Variants in ENTPD1 observed in about 807,000 individuals in gnomAD.
ENTPD1 encodes ATP diphosphohydrolase.
ENTPD1 carries 33 observed loss-of-function variants against 57.0 expected under a neutral mutation model. The observed-to-expected ratio is 0.58, with a 90% CI of 0.44 to 0.77. The LOEUF (loss-of-function observed/expected upper bound fraction) is 0.77, where lower values mean the gene tolerates loss of function less well. Among genes scored for constraint, ENTPD1 ranks in the 30% least tolerant of loss-of-function variants. The pLI, the probability that ENTPD1 is intolerant of heterozygous loss-of-function variation, is 0.00. For missense variants in ENTPD1, 501 were observed against 603.4 expected (o/e 0.83, Z 1.78); for synonymous variants, 202 against 218.8 (o/e 0.92, Z 0.68).
At chr10:95,713,795 G>A (rs2097968483) in intron 1 of ENTPD1, among the ~76,000 whole-genome samples, 1 of 152,156 alleles carries the variant, frequency 6.6e-6, no homozygotes, top group Non-Finnish European at 1.5e-5. Flanking sequence ...GGGTGGGTTA[G>A]CTCTACCATG....
chr10:95,710,357 A>G (rs1219286002), upstream of ENTPD1, among the ~76,000 whole-genome samples: 1 of 152,136 alleles, frequency 6.6e-6, no homozygotes, highest in Non-Finnish European at 1.5e-5. Context: ...GTGAGCAGAG[A>G]TTACACCACT....
rs562021315 is a variant in ENTPD1 at position 95,744,782 on chromosome 10, T to A, written c.37+32789T>A. Among the ~76,000 whole-genome samples the A allele has an allele frequency of 2.6e-5, 4 of 152,344 alleles. No individual in the cohort carries two copies. In the East Asian group the frequency reaches 7.7e-4, roughly 29 times the overall value. On this transcript the variant is annotated intron_variant, in intron 1 of 9. Transcript: ENST00000453258. Reference sequence around the variant, plus strand: ...ATAATTTTTGAAAACTTTGTATGGGTTAAGGTTCATTCTTTGTGATTTAAA... The same window carrying A: ...ATAATTTTTGAAAACTTTGTATGGGATAAGGTTCATTCTTTGTGATTTAAA...
At chr10:95,792,416 A>G (rs1413660989) in intron 1 of ENTPD1, among the ~76,000 whole-genome samples, 2 of 152,240 alleles carry the variant, frequency 1.3e-5, no homozygotes, top group Admixed American at 6.5e-5. Flanking sequence ...GGCTTTCTAG[A>G]CAGAGAAAGG....
chr10:95,834,778 T>C (rs1182450973), intron 2 of ENTPD1, among the ~76,000 whole-genome samples: 1 of 152,032 alleles, frequency 6.6e-6, no homozygotes, highest in Non-Finnish European at 1.5e-5. Context: ...TGCATTGGTG[T>C]TTCCATGAAC....
intron 1 of ENTPD1, among the ~76,000 whole-genome samples, chr10:95,821,460 G>T (rs2098350755): frequency 6.6e-6 from 1 of 152,186 alleles, no homozygotes; most frequent in African/African-American, 2.4e-5. Context: ...TGCCCCAGAA[G>T]ACTTCCTCCA....
chr10:95,766,757 T>G (rs1394299697), intron 1 of ENTPD1, among the ~76,000 whole-genome samples: 1 of 152,192 alleles, frequency 6.6e-6, no homozygotes, highest in Non-Finnish European at 1.5e-5. Flanking sequence ...TTTATTCTCT[T>G]TAGTGTTTAA....
At chr10:95,735,473 C>T (rs988425527) in intron 1 of ENTPD1, among the ~76,000 whole-genome samples, 1 of 152,126 alleles carries the variant, frequency 6.6e-6, no homozygotes, top group Admixed American at 6.5e-5. Flanking sequence ...AATCTGATTG[C>T]CAAAGCAGAT....
At chr10:95,748,669 T>G (rs1487613591) in intron 1 of ENTPD1, among the ~76,000 whole-genome samples, 1 of 152,234 alleles carries the variant, frequency 6.6e-6, no homozygotes, top group Non-Finnish European at 1.5e-5. Flanking sequence ...ATAAAATATC[T>G]AGTCAGTTTT....
intron 8 of ENTPD1, among the ~76,000 whole-genome samples, chr10:95,863,978 A>T (rs1460454044): frequency 6.6e-6 from 1 of 152,148 alleles, no homozygotes; most frequent in African/African-American, 2.4e-5. Context: ...CTGGGTGTAT[A>T]TTCACAACAG....
Position 95,867,642 on chromosome 10 carries a change from C to A in ENTPD1, c.*1259C>A, listed in dbSNP as rs1452210983. On this transcript the variant is annotated 3_prime_UTR_variant, in exon 10 of 10. Coordinates refer to ENST00000371205, the MANE Select transcript of ENTPD1 (RefSeq NM_001776.6). ...TATTCCATGAAGCAGCAGCTATAGA[C>A]CTTACCATGGAAACATGAAGAGACC... 5.1e-6 allele frequency: 5 copies of A among 985,314 alleles called. No individual in the cohort carries two copies. The highest frequency in any genetic ancestry group is 6.0e-6 in the Non-Finnish European group (5 of 829,960). 61.0% of individuals were successfully genotyped at this position (985,314 alleles called of 1,614,324 possible). A position where few individuals can be genotyped will look rare whatever the true frequency, so the allele number is the denominator to read the frequency against.
intron 2 of ENTPD1, among the ~76,000 whole-genome samples, chr10:95,836,483 T>A (rs752606182): frequency 3.9e-5 from 6 of 152,202 alleles, no homozygotes; most frequent in Non-Finnish European, 8.8e-5. Flanking sequence ...TTTAAGAAAC[T>A]TTTAGTACTC....
intron 1 of ENTPD1, among the ~76,000 whole-genome samples, chr10:95,788,515 G>A (rs1389783070): frequency 1.3e-5 from 2 of 152,062 alleles, no homozygotes; most frequent in Admixed American, 6.6e-5. Context: ...TACGTTGGAG[G>A]CTGAGGCAGG....
chr10:95,741,855 C>A (rs2098000678), intron 1 of ENTPD1, among the ~76,000 whole-genome samples: 1 of 152,142 alleles, frequency 6.6e-6, no homozygotes, highest in African/African-American at 2.4e-5. Flanking sequence ...TTACTATTAT[C>A]TTTTTCTGTT....
At chr10:95,842,135 T>C (rs1206941315) in intron 3 of ENTPD1, among the ~76,000 whole-genome samples, 1 of 152,178 alleles carries the variant, frequency 6.6e-6, no homozygotes, top group East Asian at 1.9e-4. Context: ...TATTGAACAC[T>C]GAACAGACCC....
At chr10:95,779,318 G>A (rs1403023874) in intron 1 of ENTPD1, among the ~76,000 whole-genome samples, 1 of 151,966 alleles carries the variant, frequency 6.6e-6, no homozygotes, top group Non-Finnish European at 1.5e-5. Context: ...AGCCTGAAGA[G>A]GCCTGGTTCT....
chr10:95,818,044 G>C (rs1008759353), intron 1 of ENTPD1, among the ~76,000 whole-genome samples: 1 of 152,198 alleles, frequency 6.6e-6, no homozygotes, highest in African/African-American at 2.4e-5. Context: ...CACATGAAGA[G>C]AGGACTACTG....
chr10:95,723,597 G>A (rs1055746933), intron 1 of ENTPD1, among the ~76,000 whole-genome samples: 2 of 152,146 alleles, frequency 1.3e-5, no homozygotes, highest in Non-Finnish European at 2.9e-5. Flanking sequence ...TAGATTCAGA[G>A]GTAAGGAGAA....
At chr10:95,711,841 T>C (rs2097965838) in exon 1 of ENTPD1, 16 of 1,484,938 alleles carry the variant, frequency 1.1e-5, no homozygotes, top group Non-Finnish European at 1.5e-5. Context: ...ACCTGCCTTT[T>C]TTGTCAGCGA....
At chr10:95,842,209 A>G (rs897320191) in intron 3 of ENTPD1, 135 bp from the exon 4 acceptor site, 34 of 797,462 alleles carry the variant, frequency 4.3e-5, no homozygotes, top group Non-Finnish European at 6.4e-5. Context: ...TCTAAGTACA[A>G]TAACCTAATG....
Sources: allele counts gnomAD v4.1 joint callset (sites outside exome capture counted in the v4.1 genomes callset), GRCh38; gene constraint gnomAD v4.1.1; transcripts MANE v1.5; gene names NCBI Gene and HGNC (gene_info 2026-07-23, HGNC 2026-07-21).